Variants in MED13L observed in about 807,000 individuals in gnomAD.
The protein encoded by MED13L is mediator complex subunit 13L, also known as mediator of RNA polymerase II transcription subunit 13-like.
In MED13L, 7 loss-of-function variants were observed where a neutral mutation model predicts 220.9. That is an observed-to-expected ratio of 0.03 (90% CI 0.02 to 0.06). MED13L has a LOEUF of 0.06. MED13L is among the 10% of genes least tolerant of loss of function. The pLI is 1.00. For missense variants in MED13L, 1,965 were observed against 2,760.5 expected, an observed-to-expected ratio of 0.71 and a Z score of 6.46; for synonymous variants, 1,011 against 1,015.2, an observed-to-expected ratio of 1.00 and a Z score of 0.08.
chr12:115,971,139 T>C (rs754981952), intron 26 of MED13L, among the ~76,000 whole-genome samples: 1 of 152,220 alleles, frequency 6.6e-6, no homozygotes, highest in Non-Finnish European at 1.5e-5. Context: ...GATAGGACCA[T>C]AAAATCAATA....
intron 4 of MED13L, among the ~76,000 whole-genome samples, chr12:116,082,037 A>G (rs972982475): frequency 6.6e-6 from 1 of 152,226 alleles, no homozygotes; most frequent in African/African-American, 2.4e-5. Context: ...CCAAAGAAAC[A>G]TTTTAGTACT....
At position 115,970,712 on chromosome 12, in the gene MED13L, A is replaced by G. The variant is rs755349550; in HGVS notation, c.5949T>C (p.Ser1983=). 8.7e-6 allele frequency: 14 copies of G among 1,614,004 alleles called. No individual in the cohort carries two copies. The African/African-American group carries it at 1.7e-4, about 20-fold the overall frequency. ...AAGCATCTTGAGGGGTGTTGAGCTGAGATGACTGCATGTTCAGTGCAGTAC... is the reference window on the plus strand; with the variant it reads ...AAGCATCTTGAGGGGTGTTGAGCTGGGATGACTGCATGTTCAGTGCAGTAC... The part of the protein sequence containing the change: ...GRSTALNMQS[S]QLNTPQDASC... The change falls in exon 27 of 31, where the codon TCT becomes TCC. Residue 1983 remains serine (S), a synonymous_variant. Transcript: ENST00000281928.
At chr12:116,123,244 T>C (rs1489619406) in intron 2 of MED13L, among the ~76,000 whole-genome samples, 1 of 152,152 alleles carries the variant, frequency 6.6e-6, no homozygotes, top group African/African-American at 2.4e-5. Flanking sequence ...GCTTACATCA[T>C]ATTTGAAATA....
At chr12:116,254,965 AT>A (rs1593216268) in intron 1 of MED13L, among the ~76,000 whole-genome samples, 1 of 152,198 alleles carries the variant, frequency 6.6e-6, no homozygotes, top group East Asian at 1.9e-4. Flanking sequence ...TAAAATGTCA[AT>A]TTTCCCAATT....
rs778937962 is a variant in MED13L at position 115,975,709 on chromosome 12, A to G, written c.5394T>C (p.Pro1798=). ...ERPSPIQLYS[P]PFILAPIKDK... ...CTTTGATTGGGGCCAATATAAAGGG[A>G]GGGGAGTAAAGCTGGATTGGGCTGG... The change falls in exon 24 of 31, where the codon CCT becomes CCC. Residue 1798 remains proline (P), a synonymous_variant. Transcript: ENST00000281928. 1.2e-6 allele frequency: 2 copies of G among 1,613,720 alleles called. No individual in the cohort carries two copies. Among genetic ancestry groups the G allele is most frequent in the Non-Finnish European group, 1.7e-6 (2 of 1,179,980 alleles).
At chr12:115,976,532 T>C (rs149069214) in intron 23 of MED13L, among the ~76,000 whole-genome samples, 47 of 152,356 alleles carry the variant, frequency 3.1e-4, no homozygotes, top group African/African-American at 1.1e-3. Context: ...ATACCAGTTA[T>C]GTATTTGCTT....
intron 1 of MED13L, among the ~76,000 whole-genome samples, chr12:116,265,556 G>A (rs1254267780): frequency 6.6e-6 from 1 of 152,148 alleles, no homozygotes; most frequent in Non-Finnish European, 1.5e-5. Context: ...TGAGATTCAC[G>A]TCTGTCCAGT....
intron 13 of MED13L, among the ~76,000 whole-genome samples, chr12:116,003,466 GCTAAAAGGCATAAT>G (rs376442939): frequency 7.9e-5 from 12 of 151,308 alleles, no homozygotes; most frequent in African/African-American, 2.9e-4. Context: ...GAAGCAAGCA[GCTAAAAGGCATAAT>G]CTCAAGCCCT....
At chr12:115,996,743 G>T (rs1432050571) in intron 15 of MED13L, 62 bp from the exon 16 acceptor site, 1 of 1,417,124 alleles carries the variant, frequency 7.1e-7, no homozygotes, top group Non-Finnish European at 9.9e-7. Context: ...CACCACAGTG[G>T]CATAGTGCTA....
intron 14 of MED13L, among the ~76,000 whole-genome samples, chr12:115,998,064 T>G (rs1236301125): frequency 6.6e-6 from 1 of 152,194 alleles, no homozygotes; most frequent in Non-Finnish European, 1.5e-5. Flanking sequence ...AGACAGATAT[T>G]AAAATGAAAC....
intron 4 of MED13L, among the ~76,000 whole-genome samples, chr12:116,095,626 T>C (rs960247917): frequency 6.6e-6 from 1 of 152,194 alleles, no homozygotes. Flanking sequence ...TTAAAACTAC[T>C]ATGTAAGGCT....
chr12:115,978,388 G>A (rs1365625464), intron 23 of MED13L, among the ~76,000 whole-genome samples: 5 of 148,924 alleles, frequency 3.4e-5, no homozygotes, highest in Admixed American at 6.7e-5. Flanking sequence ...GTGCAGTGGC[G>A]TGATCTTGGC....
intron 2 of MED13L, among the ~76,000 whole-genome samples, chr12:116,189,045 A>G (rs1221842648): frequency 6.6e-6 from 1 of 152,234 alleles, no homozygotes; most frequent in Non-Finnish European, 1.5e-5. Context: ...CTGCACAAAC[A>G]TACGTTTTCA....
intron 1 of MED13L, among the ~76,000 whole-genome samples, chr12:116,263,303 T>C (rs1334894477): frequency 2.0e-5 from 3 of 152,246 alleles, no homozygotes; most frequent in South Asian, 2.1e-4. Flanking sequence ...AATTAAACTA[T>C]GTAATCTGAA....
intron 27 of MED13L, 106 bp downstream of exon 27, chr12:115,970,488 G>T (rs371062074): frequency 9.3e-6 from 11 of 1,181,398 alleles, no homozygotes; most frequent in South Asian, 7.8e-5. Flanking sequence ...ATAGTTCCTG[G>T]GTTGTTTATT....
intron 2 of MED13L, among the ~76,000 whole-genome samples, chr12:116,148,154 T>C (rs566642834): frequency 1.3e-5 from 2 of 151,648 alleles, no homozygotes; most frequent in African/African-American, 2.4e-5. Context: ...TTTCCATTCA[T>C]TCATGTATAT....
chr12:115,987,071 G>GA, intron 18 of MED13L, 38 bp downstream of exon 18: 1 of 1,606,132 alleles, frequency 6.2e-7, no homozygotes, highest in Non-Finnish European at 8.5e-7. Flanking sequence ...GAACAGCACT[G>GA]AAGTCAGAAG....
At chr12:116,035,724 G>A (rs1430287795) in intron 4 of MED13L, among the ~76,000 whole-genome samples, 2 of 151,886 alleles carry the variant, frequency 1.3e-5, no homozygotes, top group African/African-American at 4.8e-5. Flanking sequence ...CCGAGTAGCT[G>A]GGACCCCAAG....
At chr12:116,027,730 A>T (rs1161552975) in intron 4 of MED13L, among the ~76,000 whole-genome samples, 1 of 152,164 alleles carries the variant, frequency 6.6e-6, no homozygotes, top group Non-Finnish European at 1.5e-5. Context: ...TCCAACATAC[A>T]AGTTACTTGC....
Sources: allele counts gnomAD v4.1 joint callset (sites outside exome capture counted in the v4.1 genomes callset), GRCh38; gene constraint gnomAD v4.1.1; transcripts MANE v1.5; gene names NCBI Gene and HGNC (gene_info 2026-07-23, HGNC 2026-07-21).